Variants in ST3GAL5 observed in about 807,000 individuals in gnomAD.
ST3GAL5 encodes lactosylceramide alpha-2,3-sialyltransferase.
In ST3GAL5, 25 loss-of-function variants were observed where a neutral mutation model predicts 46.1. The ratio of observed to expected loss-of-function variants is 0.54; its 90% CI spans 0.40 to 0.76. The LOEUF is 0.76. ST3GAL5 is among the 30% of genes least tolerant of loss of function. The pLI is 0.00. For missense variants in ST3GAL5, 431 were observed against 521.2 expected (o/e 0.83, Z 1.69); for synonymous variants, 182 against 192.7 (o/e 0.94, Z 0.46).
intron 3 of ST3GAL5, among the ~76,000 whole-genome samples, chr2:85,857,149 G>A (rs1558670052): frequency 6.6e-6 from 1 of 151,236 alleles, no homozygotes; most frequent in South Asian, 2.1e-4. Context: ...GGAGGCTGAG[G>A]TGGGAGGATT....
chr2:85,843,362 C>T (rs985165232), intron 6 of ST3GAL5, among the ~76,000 whole-genome samples: 5 of 152,114 alleles, frequency 3.3e-5, no homozygotes, highest in Non-Finnish European at 7.4e-5. Context: ...AGAAAAAGTG[C>T]CAGCTGATCA....
chr2:85,884,213 G>A (rs1687509087), intron 1 of ST3GAL5, among the ~76,000 whole-genome samples: 2 of 152,158 alleles, frequency 1.3e-5, no homozygotes. Context: ...TATATAACAT[G>A]TCTACAATAG....
At chr2:85,866,619 G>A (rs1685312715) in intron 1 of ST3GAL5, among the ~76,000 whole-genome samples, 2 of 152,220 alleles carry the variant, frequency 1.3e-5, no homozygotes, top group African/African-American at 4.8e-5. Context: ...TAATCTGCCT[G>A]CTGAGCTACT....
Position 85,838,470 on chromosome 2 carries a change from G to A in ST3GAL5, c.*1674C>T, listed in dbSNP as rs918374555. 3 of 152,198 alleles carry A rather than the reference G, an allele frequency of 2.0e-5. No homozygotes were observed. Among genetic ancestry groups the A allele is most frequent in the Non-Finnish European group, 4.4e-5 (3 of 68,036 alleles). 9.4% of individuals were successfully genotyped at this position (152,198 alleles called of 1,614,324 possible). A position where few individuals can be genotyped will look rare whatever the true frequency, so the allele number is the denominator to read the frequency against. ...AGGGAGCTGTGGACCATCTTCCAGA[G>A]TCTCAATTTTCTAAACTCATTTGAT... On this transcript the variant is annotated 3_prime_UTR_variant, in exon 7 of 7. Coordinates refer to ENST00000638572, the MANE Select transcript of ST3GAL5 (RefSeq NM_003896.4).
intron 1 of ST3GAL5, chr2:85,888,611 C>G (rs1435824152): frequency 3.4e-6 from 1 of 292,374 alleles, no homozygotes; most frequent in Non-Finnish European, 6.1e-6. Flanking sequence ...TACACACCTG[C>G]GTGGGACCCC....
intron 1 of ST3GAL5, among the ~76,000 whole-genome samples, chr2:85,878,910 CT>C (rs1686863740): frequency 2.0e-5 from 3 of 152,106 alleles, no homozygotes; most frequent in African/African-American, 7.2e-5. Context: ...GACTAAGACT[CT>C]GGAGACAGGA....
chr2:85,877,950 A>T (rs990979875), intron 1 of ST3GAL5, among the ~76,000 whole-genome samples: 1 of 152,208 alleles, frequency 6.6e-6, no homozygotes. Context: ...TAATTTCTCT[A>T]TTGGTGCTTC....
chr2:85,844,033 T>C (rs1027973610), intron 6 of ST3GAL5, among the ~76,000 whole-genome samples: 1 of 152,166 alleles, frequency 6.6e-6, no homozygotes, highest in Non-Finnish European at 1.5e-5. Flanking sequence ...GGGTACAAAA[T>C]TTTTTAAATT....
chr2:85,860,156 T>C (rs899829220), intron 3 of ST3GAL5, among the ~76,000 whole-genome samples: 2 of 152,226 alleles, frequency 1.3e-5, no homozygotes, highest in Non-Finnish European at 2.9e-5. Context: ...GAAAGTTAAA[T>C]GAGCTAATAT....
At chr2:85,869,806 G>A (rs953173270) in intron 1 of ST3GAL5, among the ~76,000 whole-genome samples, 3 of 152,248 alleles carry the variant, frequency 2.0e-5, no homozygotes, top group East Asian at 1.9e-4. Context: ...GAATCCCAAC[G>A]GACAAAGGAT....
intron 1 of ST3GAL5, chr2:85,869,949 C>T (rs917787747): frequency 1.3e-5 from 4 of 317,064 alleles, no homozygotes; most frequent in Admixed American, 7.6e-5. Flanking sequence ...GGTGAGCGCG[C>T]ACACACACGC....
chr2:85,875,091 G>A (rs980340114), intron 1 of ST3GAL5, among the ~76,000 whole-genome samples: 3 of 152,084 alleles, frequency 2.0e-5, no homozygotes, highest in African/African-American at 4.8e-5. Context: ...ACAAGGTCTC[G>A]CTCTGTCAGC....
At chr2:85,882,760 G>A (rs564140430) in intron 1 of ST3GAL5, among the ~76,000 whole-genome samples, 39 of 151,806 alleles carry the variant, frequency 2.6e-4, no homozygotes, top group African/African-American at 9.2e-4. Context: ...TTGAACCCAG[G>A]AGGCGGAGGT....
At chr2:85,866,833 C>T (rs574147779) in intron 1 of ST3GAL5, among the ~76,000 whole-genome samples, 1 of 152,334 alleles carries the variant, frequency 6.6e-6, no homozygotes, top group South Asian at 2.1e-4. Context: ...GATTGGCACA[C>T]AGCAGCCCCT....
intron 3 of ST3GAL5, chr2:85,852,970 G>A: frequency 7.7e-7 from 1 of 1,304,188 alleles, no homozygotes; most frequent in Non-Finnish European, 1.0e-6. Flanking sequence ...AGCAGGGAGG[G>A]CCCTGCTTCC....
At chr2:85,857,104 C>T (rs1211410591) in intron 3 of ST3GAL5, among the ~76,000 whole-genome samples, 2 of 135,262 alleles carry the variant, frequency 1.5e-5, no homozygotes, top group African/African-American at 5.6e-5. Context: ...AAAATAGGCA[C>T]GTATGGTGGT....
At chr2:85,840,668 A>C (rs1681916954) in intron 6 of ST3GAL5, among the ~76,000 whole-genome samples, 1 of 152,132 alleles carries the variant, frequency 6.6e-6, no homozygotes, top group Non-Finnish European at 1.5e-5. Context: ...CTTCTAGGCC[A>C]GGTGCGGTGG....
At chr2:85,882,207 G>A (rs888631007) in intron 1 of ST3GAL5, among the ~76,000 whole-genome samples, 8 of 152,202 alleles carry the variant, frequency 5.3e-5, no homozygotes, top group Admixed American at 3.3e-4. Flanking sequence ...CTGCAGGGGC[G>A]GGGACCTCAT....
At chr2:85,860,157 G>C (rs1367263383) in intron 3 of ST3GAL5, among the ~76,000 whole-genome samples, 1 of 152,200 alleles carries the variant, frequency 6.6e-6, no homozygotes, top group Non-Finnish European at 1.5e-5. Context: ...AAAGTTAAAT[G>C]AGCTAATATT....
Sources: allele counts gnomAD v4.1 joint callset (sites outside exome capture counted in the v4.1 genomes callset), GRCh38; gene constraint gnomAD v4.1.1; transcripts MANE v1.5; gene names NCBI Gene and HGNC (gene_info 2026-07-23, HGNC 2026-07-21).